The following RBFOX1 variants were observed in gnomAD, a reference collection of about 807,000 sequenced individuals.
RBFOX1 encodes the protein RNA binding fox-1 homolog 1.
Under a neutral mutation model 57.7 loss-of-function variants are expected in RBFOX1, and 8 were observed. The ratio of observed to expected loss-of-function variants is 0.14; its 90% confidence interval spans 0.08 to 0.25. The LOEUF (loss-of-function observed/expected upper bound fraction) is 0.25. RBFOX1 is among the 10% of genes least tolerant of loss of function. The pLI, the probability that RBFOX1 is intolerant of heterozygous loss-of-function variation, is 1.00. For synonymous variants in RBFOX1, 326 were observed against 222.4 expected (o/e 1.47, Z -4.15); for missense variants, 611 against 548.5 (o/e 1.11, Z -1.14).
intron 4 of RBFOX1, among the ~76,000 whole-genome samples, chr16:7,398,189 C>G (rs1480979026): frequency 6.6e-6 from 1 of 152,196 alleles, no homozygotes; most frequent in Non-Finnish European, 1.5e-5. Flanking sequence ...GGAGATGCCT[C>G]AGACGCTTAT....
chr16:6,774,183 C>T (rs1229344299), intron 3 of RBFOX1, among the ~76,000 whole-genome samples: 1 of 152,126 alleles, frequency 6.6e-6, no homozygotes, highest in Non-Finnish European at 1.5e-5. Flanking sequence ...GTCTCTGTAA[C>T]TGAGATTGCC....
At chr16:5,984,407 C>T (rs1596344165) in intron 4 of RBFOX1, among the ~76,000 whole-genome samples, 1 of 151,522 alleles carries the variant, frequency 6.6e-6, no homozygotes, top group African/African-American at 2.4e-5. Flanking sequence ...AGAAGGAAAA[C>T]TGCAGGGAGA....
At chr16:6,492,620 C>G (rs995365589) in intron 2 of RBFOX1, among the ~76,000 whole-genome samples, 4 of 152,064 alleles carry the variant, frequency 2.6e-5, no homozygotes, top group Non-Finnish European at 4.4e-5. Flanking sequence ...ACTTTTGACC[C>G]AGCCTTTCTG....
intron 3 of RBFOX1, among the ~76,000 whole-genome samples, chr16:6,674,064 G>A (rs903861369): frequency 9.9e-5 from 15 of 152,100 alleles, no homozygotes; most frequent in Non-Finnish European, 1.9e-4. Flanking sequence ...AAATAAGTAG[G>A]AGATTCAGCA....
intron 1 of RBFOX1, among the ~76,000 whole-genome samples, chr16:5,435,197 C>T (rs1319768224): frequency 2.0e-5 from 3 of 152,184 alleles, no homozygotes; most frequent in African/African-American, 4.8e-5. Context: ...CTTGGTGCTT[C>T]TCAAGTAGCT....
chr16:7,561,367 C>A (rs1156522601), intron 5 of RBFOX1, among the ~76,000 whole-genome samples: 1 of 152,156 alleles, frequency 6.6e-6, no homozygotes, highest in African/African-American at 2.4e-5. Context: ...GATGAAGAGA[C>A]AAGTAGAAAG....
At chr16:5,901,905 C>A (rs2058313489) in intron 4 of RBFOX1, among the ~76,000 whole-genome samples, 1 of 152,172 alleles carries the variant, frequency 6.6e-6, no homozygotes, top group South Asian at 2.1e-4. Context: ...TCTTCAGACT[C>A]CTTTTGGAAG....
At chr16:7,675,411 A>AC (rs914161877) in intron 13 of RBFOX1, among the ~76,000 whole-genome samples, 78 of 136,458 alleles carry the variant, frequency 5.7e-4, no homozygotes, top group African/African-American at 2.1e-3. Context: ...AGGGAAACAA[A>AC]AAAAAAAAAA....
At chr16:5,434,339 T>TTTTTTTTTTTTTTTTGG (rs2067849510) in intron 1 of RBFOX1, among the ~76,000 whole-genome samples, 1 of 147,058 alleles carries the variant, frequency 6.8e-6, no homozygotes, top group African/African-American at 2.5e-5. Context: ...TTTTTTTTTT[T>TTTTTTTTTTTTTTTTGG]GAGGCAGGGT....
chr16:6,295,455 A>G (rs1247853986), intron 1 of RBFOX1, among the ~76,000 whole-genome samples: 2 of 152,144 alleles, frequency 1.3e-5, no homozygotes, highest in South Asian at 2.1e-4. Flanking sequence ...AGAGGTTTGT[A>G]TGCTCAGCCT....
rs2060690387 is a variant in RBFOX1 at position 7,630,055 on chromosome 16, T to C, written c.677-548T>C. Among the ~76,000 whole-genome samples, 3 of 152,298 alleles carry C rather than the reference T, an allele frequency of 2.0e-5. No homozygotes were observed. In the South Asian group the frequency reaches 6.2e-4, roughly 32 times the overall value. The stretch of plus-strand genomic sequence containing the variant: ...ACATTTGAAGGAAGTTACCGTTTTC[T>C]CTAAACCTATCAACATGTATGCTTA... On this transcript the variant is annotated intron_variant, in intron 10 of 15. Transcript: ENST00000550418.
intron 5 of RBFOX1, among the ~76,000 whole-genome samples, chr16:7,555,683 C>T (rs552714889): frequency 1.7e-4 from 26 of 152,230 alleles, no homozygotes; most frequent in African/African-American, 3.9e-4. Context: ...ACTTTCTCAC[C>T]GCAGGACCTT....
intron 4 of RBFOX1, among the ~76,000 whole-genome samples, chr16:7,368,863 C>T (rs965271738): frequency 2.0e-5 from 3 of 151,904 alleles, no homozygotes; most frequent in Non-Finnish European, 2.9e-5. Context: ...GCAAGCCAGA[C>T]AGTTATCTTC....
At chr16:6,980,668 A>C (rs567427560) in intron 3 of RBFOX1, among the ~76,000 whole-genome samples, 1 of 152,338 alleles carries the variant, frequency 6.6e-6, no homozygotes, top group South Asian at 2.1e-4. Context: ...AACACAATAC[A>C]GCTAAATTTC....
chr16:5,953,461 C>G (rs542548154), intron 4 of RBFOX1, among the ~76,000 whole-genome samples: 14 of 151,988 alleles, frequency 9.2e-5, no homozygotes, highest in South Asian at 8.3e-4. Context: ...TACGCTGCAC[C>G]CAGTTTGTAG....
At chr16:6,840,461 G>C (rs2141420423) in intron 3 of RBFOX1, among the ~76,000 whole-genome samples, 1 of 152,202 alleles carries the variant, frequency 6.6e-6, no homozygotes, top group African/African-American at 2.4e-5. Flanking sequence ...AACTGCTATT[G>C]GCTGAATGTT....
chr16:7,253,688 G>T (rs916832533), intron 4 of RBFOX1, among the ~76,000 whole-genome samples: 5 of 151,860 alleles, frequency 3.3e-5, no homozygotes, highest in Non-Finnish European at 5.9e-5. Context: ...TACTTCTCAG[G>T]TGGCCTAGAA....
intron 2 of RBFOX1, among the ~76,000 whole-genome samples, chr16:6,406,886 C>T (rs576208745): frequency 6.6e-6 from 1 of 152,272 alleles, no homozygotes; most frequent in Non-Finnish European, 1.5e-5. Flanking sequence ...TGTTTATATG[C>T]TGGCTGACCC....
chr16:6,247,610 A>G (rs1282962322), intron 1 of RBFOX1, among the ~76,000 whole-genome samples: 1 of 152,144 alleles, frequency 6.6e-6, no homozygotes, highest in Non-Finnish European at 1.5e-5. Context: ...CTGCAAAACA[A>G]CCCTACAGGA....
Sources: gnomAD v4.1 joint callset for allele counts (sites outside exome capture counted in the v4.1 genomes callset) on GRCh38, gnomAD v4.1.1 for gene constraint, MANE v1.5 for transcripts, NCBI Gene and HGNC (gene_info 2026-07-23, HGNC 2026-07-21) for gene names.